The following TNRC18 variants were observed in gnomAD, a reference collection of about 807,000 sequenced individuals.
The protein encoded by TNRC18 is trinucleotide repeat-containing gene 18 protein.
Under a neutral mutation model 226.7 loss-of-function variants are expected in TNRC18, and 69 were observed. The ratio of observed to expected loss-of-function variants is 0.30; its 90% CI spans 0.25 to 0.37. The LOEUF is 0.37. Among genes scored for constraint, TNRC18 ranks in the 10% least tolerant of loss-of-function variants. TNRC18 has a pLI of 1.00. For missense variants in TNRC18, 4,754 were observed against 4,256.6 expected (o/e 1.12, Z -3.25); for synonymous variants, 2,449 against 1,927.6 (o/e 1.27, Z -7.09).
At chr7:5,314,853 G>C in intron 26 of TNRC18, 131 bp downstream of exon 26, 1 of 1,011,008 alleles carries the variant, frequency 9.9e-7, no homozygotes, top group Non-Finnish European at 1.4e-6. Context: ...GATTACAGGT[G>C]TGAGGCACTG....
Position 5,377,487 on chromosome 7 carries a change from C to A in TNRC18, c.2345G>T (p.Gly782Val). ...GCGACCTGAGCCCGCCAGCGCCGGG[C>A]CCCCCGTCACCATGAGGTTGGGGTT... is the stretch of plus-strand genomic sequence containing the variant. ...GLNPNLMVTGGPALAGSGRWS... is the reference protein window; with the variant it reads ...GLNPNLMVTGVPALAGSGRWS... The change falls in exon 7 of 30, where the codon GGC becomes GTC. Residue 782 changes from glycine (G) to valine (V), a missense_variant. Transcript: ENST00000430969. This position sits in a 1 kb window ranked among gnomAD's most constrained non-coding sequence, Gnocchi z 5.8. The A allele has an allele frequency of 1.3e-6, 2 of 1,581,826 alleles. No individual in the cohort carries two copies. Among genetic ancestry groups the A allele is most frequent in the Non-Finnish European group, 1.7e-6 (2 of 1,164,938 alleles).
At chr7:5,345,900 C>T (rs1279279864) in intron 17 of TNRC18, 90 bp from the exon 18 acceptor site, 6 of 1,465,752 alleles carry the variant, frequency 4.1e-6, no homozygotes, top group African/African-American at 1.4e-5. Flanking sequence ...GGCCTCTGGG[C>T]TCCAGCCTAG....
chr7:5,359,256 G>C (rs1792778501), intron 15 of TNRC18, 142 bp downstream of exon 15: 1 of 872,594 alleles, frequency 1.1e-6, no homozygotes, highest in African/African-American at 1.7e-5. Flanking sequence ...GATTGGAGAA[G>C]AGTCATTCCG....
intron 2 of TNRC18, among the ~76,000 whole-genome samples, chr7:5,401,598 G>T (rs889433634): frequency 6.6e-6 from 1 of 152,178 alleles, no homozygotes; most frequent in Non-Finnish European, 1.5e-5. Flanking sequence ...TCTTTGAAAG[G>T]GTGTCTGCTG....
intron 2 of TNRC18, among the ~76,000 whole-genome samples, chr7:5,410,951 A>C (rs1319751134): frequency 6.6e-6 from 1 of 151,682 alleles, no homozygotes; most frequent in African/African-American, 2.4e-5. Flanking sequence ...CACACCTGTA[A>C]TCCCAGCACT....
intron 19 of TNRC18, 59 bp from the exon 20 acceptor site, chr7:5,325,307 C>T: frequency 6.6e-7 from 1 of 1,521,288 alleles, no homozygotes; most frequent in South Asian, 1.2e-5. Flanking sequence ...CAGGCAGCAC[C>T]CCTGTCCCCC....
At position 5,387,687 on chromosome 7, in the gene TNRC18, G is replaced by A. The variant is rs759758430; in HGVS notation, c.2137C>T (p.Leu713=). ...CAGGACCTACCTTTGACGTTACTCAGCGACAGAGAGCGCTCCTGGTCTACC... is the reference window on the plus strand; with the variant it reads ...CAGGACCTACCTTTGACGTTACTCAACGACAGAGAGCGCTCCTGGTCTACC... ...GLVDQERSLS[L]SNVKGHGRAD... The change falls in exon 5 of 30, where the codon CTG becomes TTG. Residue 713 remains leucine, a synonymous_variant. Coordinates refer to ENST00000430969, the MANE Select transcript of TNRC18 (RefSeq NM_001080495.3). 42 of 1,604,610 alleles carry A rather than the reference G, an allele frequency of 2.6e-5. No homozygotes were observed. The East Asian group carries it at 3.1e-4, about 12-fold the overall frequency.
chr7:5,328,741 AC>A, intron 19 of TNRC18, among the ~76,000 whole-genome samples: 1 of 151,174 alleles, frequency 6.6e-6, no homozygotes, highest in Middle Eastern at 3.4e-3. Context: ...CGAACTCCTG[AC>A]CTCGTGATCC....
intron 1 of TNRC18, among the ~76,000 whole-genome samples, chr7:5,422,626 C>A (rs1321848603): frequency 6.6e-6 from 1 of 152,150 alleles, no homozygotes; most frequent in Non-Finnish European, 1.5e-5. Flanking sequence ...CGCCCGGCGC[C>A]CTGCACTCCG....
Position 5,377,941 on chromosome 7 carries a change from C to T in TNRC18, c.2236G>A (p.Asp746Asn). 6.2e-7 allele frequency: 1 copy of T among 1,613,688 alleles called. No homozygotes were observed. Residue 746 changes from aspartate to asparagine, a missense_variant, in exon 6 of 30, where the codon GAT (aspartate) becomes AAT (asparagine). Coordinates refer to ENST00000430969, the MANE Select transcript of TNRC18 (RefSeq NM_001080495.3). The surrounding 1 kb of genome is among the most constrained non-coding windows in gnomAD (Gnocchi z 5.8). ...ERLLGARLDR[D>N]QEKLLRESKE... ...CCTCACCTGAGCAGCTTCTCCTGAT[C>T]CCGGTCCAGCCGTGCCCCGAGCAGC...
At chr7:5,418,812 C>T (rs1782352772) in intron 2 of TNRC18, among the ~76,000 whole-genome samples, 1 of 152,152 alleles carries the variant, frequency 6.6e-6, no homozygotes, top group Non-Finnish European at 1.5e-5. Flanking sequence ...TGTAATCCGG[C>T]CCAGCCCCAA....
intron 2 of TNRC18, among the ~76,000 whole-genome samples, chr7:5,402,442 G>A (rs1344835694): frequency 2.0e-5 from 3 of 152,064 alleles, no homozygotes; most frequent in Non-Finnish European, 2.9e-5. Context: ...GGCTGAGGTG[G>A]GAGAATGACT....
At position 5,361,808 on chromosome 7, in the gene TNRC18, G is replaced by A. The variant is rs1441094306; in HGVS notation, c.4533-86C>T. 5 of 1,523,614 alleles carry A rather than the reference G, an allele frequency of 3.3e-6. No individual in the cohort carries two copies. In the African/African-American group the frequency reaches 5.6e-5, roughly 17 times the overall value. The allele number at this position is 1,523,614 out of a possible 1,614,324, so 94.4% of individuals were successfully genotyped here. A position where few individuals can be genotyped will look rare whatever the true frequency, so the allele number is the denominator to read the frequency against. On this transcript the variant is annotated intron_variant, in intron 13 of 29. Transcript: ENST00000430969. Reference sequence around the variant, plus strand: ...GCACACGATGCACACACGGCGCCGGGTCCACGCACACCTCGACGGCTGCTG... The same window carrying A: ...GCACACGATGCACACACGGCGCCGGATCCACGCACACCTCGACGGCTGCTG...
intron 3 of TNRC18, among the ~76,000 whole-genome samples, chr7:5,392,190 G>C (rs1293221569): frequency 6.6e-6 from 1 of 152,180 alleles, no homozygotes; most frequent in Non-Finnish European, 1.5e-5. Flanking sequence ...CCCAGCCGGA[G>C]CAGTGGCTCA....
chr7:5,396,366 GATAA>G (rs1409748123), intron 2 of TNRC18, among the ~76,000 whole-genome samples: 1 of 151,936 alleles, frequency 6.6e-6, no homozygotes, highest in African/African-American at 2.4e-5. Flanking sequence ...ACAATATAAT[GATAA>G]ATAATGACAA....
chr7:5,316,123 A>T, intron 24 of TNRC18, 51 bp from the exon 25 acceptor site: 1 of 1,424,152 alleles, frequency 7.0e-7, no homozygotes, highest in Non-Finnish European at 9.8e-7. Flanking sequence ...CCAGCTCCCT[A>T]GTGACGCACA....
chr7:5,338,617 TAAAAAAAAA>T (rs573809852), intron 18 of TNRC18, among the ~76,000 whole-genome samples: 1 of 68,182 alleles, frequency 1.5e-5, no homozygotes, highest in Non-Finnish European at 3.0e-5. Flanking sequence ...CGCTGCACAT[TAAAAAAAAA>T]AAAAAAAAAA....
chr7:5,362,112 C>T (rs1793119138), intron 12 of TNRC18, 79 bp from the exon 13 acceptor site: 1 of 1,543,638 alleles, frequency 6.5e-7, no homozygotes, highest in African/African-American at 1.4e-5. Context: ...CAGGGGTGCC[C>T]CTGAGGAAGG....
At chr7:5,349,932 CT>C (rs1791608637) in intron 17 of TNRC18, among the ~76,000 whole-genome samples, 1 of 152,134 alleles carries the variant, frequency 6.6e-6, no homozygotes, top group Non-Finnish European at 1.5e-5. Flanking sequence ...CCCGCCTCCC[CT>C]CACCCCCCGC....
Sources: gnomAD v4.1 joint callset for allele counts (sites outside exome capture counted in the v4.1 genomes callset) on GRCh38, gnomAD v4.1.1 for gene constraint, Gnocchi (gnomAD v3.1) non-coding constraint, MANE v1.5 for transcripts, NCBI Gene and HGNC (gene_info 2026-07-23, HGNC 2026-07-21) for gene names.